Variants in ARRB1 observed in about 807,000 individuals in gnomAD.
ARRB1 encodes the protein arrestin beta 1.
Under a neutral mutation model 56.8 loss-of-function variants are expected in ARRB1, and 21 were observed. That is an observed-to-expected ratio of 0.37 (90% CI 0.26 to 0.53). The LOEUF is 0.53. Ranked by LOEUF, ARRB1 falls within the 20% of genes least tolerant of loss-of-function variation. ARRB1 has a pLI of 0.88. For synonymous variants in ARRB1, 210 were observed against 218.6 expected (o/e 0.96, Z 0.35); for missense variants, 424 against 553.7 (o/e 0.77, Z 2.35).
At chr11:75,342,051 CAT>C (rs1947700282) in intron 1 of ARRB1, among the ~76,000 whole-genome samples, 1 of 152,194 alleles carries the variant, frequency 6.6e-6, no homozygotes, top group South Asian at 2.1e-4. Context: ...CTGCTTGACA[CAT>C]AGAGAAACTG....
intron 1 of ARRB1, chr11:75,306,859 G>T (rs1316452040): frequency 8.3e-6 from 3 of 361,994 alleles, no homozygotes; most frequent in Admixed American, 3.8e-5. Context: ...CGGGCAGGGG[G>T]TGAGGGTCTC....
intron 9 of ARRB1, 35 bp downstream of exon 9, chr11:75,277,307 AGCCCTTGGGAAGATTGCCTCTC>A: frequency 6.5e-7 from 1 of 1,542,664 alleles, no homozygotes; most frequent in East Asian, 2.2e-5. Context: ...AGCCACCCCC[AGCCCTTGGGAAGATTGCCTCTC>A]GCTGTCCCCT....
At chr11:75,340,892 G>A (rs59368208) in intron 1 of ARRB1, among the ~76,000 whole-genome samples, 9,734 of 152,176 alleles carry the variant, frequency 0.064, 356 homozygotes, top group South Asian at 0.12. Context: ...AGGGGCCAGA[G>A]GGGAGTGGCG....
intron 1 of ARRB1, among the ~76,000 whole-genome samples, chr11:75,347,137 G>A (rs1947781700): frequency 6.6e-6 from 1 of 152,280 alleles, no homozygotes; most frequent in Non-Finnish European, 1.5e-5. Context: ...GCCAACGGGA[G>A]GCGTCAGCCT....
At chr11:75,276,965 A>T (rs1946214087) in intron 9 of ARRB1, 54 bp from the exon 10 acceptor site, 2 of 1,576,362 alleles carry the variant, frequency 1.3e-6, no homozygotes, top group African/African-American at 2.7e-5. Flanking sequence ...GCTCCCATGG[A>T]GTCTCACAGG....
intron 15 of ARRB1, among the ~76,000 whole-genome samples, chr11:75,266,858 G>A (rs371522697): frequency 6.6e-6 from 1 of 152,330 alleles, no homozygotes; most frequent in African/African-American, 2.4e-5. Context: ...GAAGGCTGGG[G>A]TAGGAGGATG....
At chr11:75,267,499 C>G (rs964044527) in intron 15 of ARRB1, among the ~76,000 whole-genome samples, 153 bp downstream of exon 15, 1 of 152,164 alleles carries the variant, frequency 6.6e-6, no homozygotes, top group African/African-American at 2.4e-5. Context: ...TGCAGGCAAG[C>G]GGGTTGCTGA....
chr11:75,309,604 T>C (rs1947113477), intron 1 of ARRB1, among the ~76,000 whole-genome samples: 1 of 152,116 alleles, frequency 6.6e-6, no homozygotes, highest in Non-Finnish European at 1.5e-5. Flanking sequence ...TTCAGCTGGC[T>C]TACGTGCTGT....
intron 1 of ARRB1, among the ~76,000 whole-genome samples, chr11:75,297,183 G>A (rs1946770115): frequency 6.6e-6 from 1 of 151,434 alleles, no homozygotes; most frequent in Admixed American, 6.6e-5. Flanking sequence ...TTATCAAATC[G>A]TAGCTAGCTT....
At position 75,281,968 on chromosome 11, in the gene ARRB1, C is replaced by T. The variant is rs147639127; in HGVS notation, c.408G>A (p.Thr136=). 3.0e-4 allele frequency: 486 copies of T among 1,614,118 alleles called. 1 individual carries two copies. Among genetic ancestry groups the T allele is most frequent in the African/African-American group, 2.8e-3 (212 of 75,030 alleles). Residue 136 remains threonine, a synonymous_variant, in exon 6 of 16, where the codon ACG becomes ACA. Coordinates refer to ENST00000420843, the MANE Select transcript of ARRB1 (RefSeq NM_004041.5). ...TCCCCTTGGGGTGACCTACCTTCCC[C>T]GTGTCTTCGGGCCCCGGCTGCAGTG... is the stretch of plus-strand genomic sequence containing the variant. The part of the protein sequence containing the change: ...SVTLQPGPED[T]GKACGVDYEV...
intron 1 of ARRB1, among the ~76,000 whole-genome samples, chr11:75,313,160 C>G (rs1023053162): frequency 2.0e-5 from 3 of 152,108 alleles, no homozygotes; most frequent in Non-Finnish European, 4.4e-5. Context: ...CGAAACCAAC[C>G]TGGCCAACAT....
chr11:75,281,106 C>T lies in ARRB1; in HGVS notation c.451G>A (p.Ala151Thr), dbSNP rs768596301. 16 of 1,603,340 alleles carry T rather than the reference C, an allele frequency of 1.0e-5. No individual in the cohort carries two copies. The highest frequency in any genetic ancestry group is 5.3e-5 in the African/African-American group (4 of 74,830). The change falls in exon 7 of 16, where the codon GCG (alanine) becomes ACG (threonine). Residue 151 changes from alanine to threonine, a missense_variant. By Grantham distance (58) the Ala-to-Thr change is moderately conservative. Around this residue, in one of 3 missense-constraint regions of ARRB1, gnomAD observed 301 missense variants for 387.9 expected, o/e 0.78. Transcript: ENST00000420843. ...TGGATCTTCTCCTCCAAATTCTCCG[C>T]GCAGAAGGCTTTGACTTCATAGTCC... ...GVDYEVKAFC[A>T]ENLEEKIHKR...
At chr11:75,290,297 G>A (rs1336533896) in intron 1 of ARRB1, among the ~76,000 whole-genome samples, 12 of 152,202 alleles carry the variant, frequency 7.9e-5, no homozygotes, top group Non-Finnish European at 1.3e-4. Flanking sequence ...GGCTGCGGGA[G>A]TCTCCAAGTG....
intron 11 of ARRB1, among the ~76,000 whole-genome samples, chr11:75,273,640 G>A (rs988757068): frequency 6.6e-6 from 1 of 152,192 alleles, no homozygotes; most frequent in African/African-American, 2.4e-5. Flanking sequence ...AGGCGTCCAC[G>A]ATGACTGTGC....
intron 1 of ARRB1, among the ~76,000 whole-genome samples, chr11:75,304,003 G>A (rs1309524914): frequency 6.6e-6 from 1 of 152,154 alleles, no homozygotes; most frequent in Non-Finnish European, 1.5e-5. Context: ...GGAAAAAATA[G>A]GACCTGGGCC....
rs1945800438 is a variant in ARRB1 at position 75,261,931 on chromosome 11, C to T, written c.*4232G>A. 6.6e-6 allele frequency: 1 copy of T among 152,212 alleles called. No homozygotes were observed. The highest frequency in any genetic ancestry group is 1.5e-5 in the Non-Finnish European group (1 of 68,040). The allele number at this position is 152,212 out of a possible 1,614,324, so 9.4% of individuals were successfully genotyped here. On this transcript the variant is annotated 3_prime_UTR_variant, in exon 16 of 16. Transcript: ENST00000420843. Reference sequence around the variant, plus strand: ...GTGTAAGACTGGGACCTAACCCCTTCCTCCTGGATGGGTGGAGAGCAACCA... The same window carrying T: ...GTGTAAGACTGGGACCTAACCCCTTTCTCCTGGATGGGTGGAGAGCAACCA...
intron 1 of ARRB1, among the ~76,000 whole-genome samples, chr11:75,312,452 CTGCCTGTCCCAGGCA>C (rs1166966991): frequency 6.6e-6 from 1 of 152,232 alleles, no homozygotes; most frequent in Non-Finnish European, 1.5e-5. Context: ...AGGGGACTGA[CTGCCTGTCCCAGGCA>C]TTGGGAGCCT....
rs61409833 is a variant in ARRB1 at position 75,268,510 on chromosome 11, C to CAA, written c.1093+377_1093+378dup. ...ACAGAGTGAGACTGTGTCTCAAAAC[C>CAA]AAAAAAAAAAAAAAAAAAAAAAAAA... On this transcript the variant is annotated intron_variant, in intron 14 of 15. Coordinates refer to ENST00000420843, the MANE Select transcript of ARRB1 (RefSeq NM_004041.5). 1.7e-3 allele frequency among the ~76,000 whole-genome samples: 102 copies of CAA among 61,424 alleles called. 3 individuals are homozygous for CAA. Among genetic ancestry groups the CAA allele is most frequent in the Non-Finnish European group, 2.1e-3 (62 of 29,596 alleles). 40.3% of individuals were successfully genotyped at this position (61,424 alleles called of 152,430 possible). A position where few individuals can be genotyped will look rare whatever the true frequency, so the allele number is the denominator to read the frequency against.
At position 75,267,696 on chromosome 11, in the gene ARRB1, C is replaced by T; in HGVS notation, c.1101G>A (p.Glu367=). The change falls in exon 15 of 16, where the codon GAG becomes GAA. Residue 367 remains glutamate (E), a synonymous_variant. Coordinates refer to ENST00000420843, the MANE Select transcript of ARRB1 (RefSeq NM_004041.5). ...KEEPPHREVP[E]NETPVDTNLI... is the part of the protein sequence containing the mutation. ...GATTGGTATCTACTGGCGTCTCGTT[C>T]TCTGGAACTAAACACAGGGTGGGTG... is the stretch of plus-strand genomic sequence containing the variant. The T allele has an allele frequency of 7.2e-7, 1 of 1,381,160 alleles. No individual in the cohort carries two copies. The highest frequency in any genetic ancestry group is 3.5e-5 in the East Asian group (1 of 28,176). The allele number at this position is 1,381,160 out of a possible 1,614,324, so 85.6% of individuals were successfully genotyped here.
Sources: gnomAD v4.1 joint callset for allele counts (sites outside exome capture counted in the v4.1 genomes callset) on GRCh38, gnomAD v4.1.1 for gene constraint, gnomAD v4.1.1 regional missense constraint, MANE v1.5 for transcripts, NCBI Gene and HGNC (gene_info 2026-07-23, HGNC 2026-07-21) for gene names.